The following INPP5D variants were observed in gnomAD, a reference collection of about 807,000 sequenced individuals.
The protein encoded by INPP5D is inositol polyphosphate-5-phosphatase D.
Under a neutral mutation model 122.9 loss-of-function variants are expected in INPP5D, and 33 were observed. That is an observed-to-expected ratio of 0.27 (90% CI 0.20 to 0.36). The LOEUF is 0.36. Among genes scored for constraint, INPP5D ranks in the 10% least tolerant of loss-of-function variants. The pLI, the probability that INPP5D is intolerant of heterozygous loss-of-function variation, is 1.00. For missense variants in INPP5D, 1,053 were observed against 1,412.7 expected (o/e 0.75, Z 4.08); for synonymous variants, 584 against 576.2 (o/e 1.01, Z -0.19).
rs1695510283 is a variant in INPP5D, at chr2:233,206,552, A to G, written c.3568-154A>G. Reference sequence around the variant, plus strand: ...TAAAAAACAATTTTTTTAAATAAGCAGGTAAAGTACTTAGAGCAGTGAGTG... The same window carrying G: ...TAAAAAACAATTTTTTTAAATAAGCGGGTAAAGTACTTAGAGCAGTGAGTG... On this transcript the variant is annotated intron_variant, in intron 26 of 26. Coordinates refer to ENST00000445964, the MANE Select transcript of INPP5D (RefSeq NM_001017915.3). The surrounding 1 kb of genome is among the most constrained non-coding windows in gnomAD (Gnocchi z 4.0). Among the ~76,000 whole-genome samples the G allele has an allele frequency of 6.6e-6, 1 of 152,200 alleles. No individual in the cohort carries two copies.
At chr2:233,099,811 C>T (rs1331005922) in intron 2 of INPP5D, among the ~76,000 whole-genome samples, 1 of 152,070 alleles carries the variant, frequency 6.6e-6, no homozygotes, top group Non-Finnish European at 1.5e-5. Context: ...TCTGTTTTCA[C>T]GCAGCTGATA....
chr2:233,097,391 A>G lies in INPP5D; in HGVS notation c.198+17993A>G, dbSNP rs138921622. On this transcript the variant is annotated intron_variant, in intron 2 of 26. Coordinates refer to ENST00000445964, the MANE Select transcript of INPP5D (RefSeq NM_001017915.3). The stretch of plus-strand genomic sequence containing the variant: ...AAAAATCCCAGTTAGAATTTTGTGC[A>G]ATTACATGTAATTAATAGGTTAATT... Among the ~76,000 whole-genome samples the G allele has an allele frequency of 1.2e-3, 185 of 152,348 alleles. 1 individual carries two copies. The highest frequency in any genetic ancestry group is 4.3e-3 in the African/African-American group (179 of 41,590).
intron 5 of INPP5D, among the ~76,000 whole-genome samples, chr2:233,137,898 A>G (rs1693529603): frequency 1.2e-5 from 1 of 85,638 alleles, no homozygotes; most frequent in Admixed American, 1.3e-4. Flanking sequence ...ATATATATAT[A>G]CACACACACA....
rs779603273 is a variant in INPP5D, at chr2:233,189,840, C to T, written c.2359-10C>T. 3 of 1,612,674 alleles carry T rather than the reference C, an allele frequency of 1.9e-6. No individual in the cohort carries two copies. The highest frequency in any genetic ancestry group is 2.5e-6 in the Non-Finnish European group (3 of 1,179,184). On this transcript the variant is annotated splice_polypyrimidine_tract_variant and intron_variant, in intron 21 of 26. Coordinates refer to ENST00000445964, the MANE Select transcript of INPP5D (RefSeq NM_001017915.3). The surrounding 1 kb of genome is among the most constrained non-coding windows in gnomAD (Gnocchi z 5.6). The stretch of plus-strand genomic sequence containing the variant: ...CCATCAACTCCAGTCCTGTGCCCTT[C>T]TCTCTGCAGCTGAAGCCCATTATCT...
In INPP5D at chr2:233,185,930, T is replaced by C. The variant is rs747988114; in HGVS notation, c.2358+5T>C. 1 of 1,593,210 alleles carries C rather than the reference T, an allele frequency of 6.3e-7. No individual in the cohort carries two copies. Among genetic ancestry groups the C allele is most frequent in the Admixed American group, 1.7e-5 (1 of 57,572 alleles). ...TTTGGTGAGACTCTTCCAAAGGTAATTCTAGAGCAAGGCATTCCCCAGAGG... is the reference window on the plus strand; with the variant it reads ...TTTGGTGAGACTCTTCCAAAGGTAACTCTAGAGCAAGGCATTCCCCAGAGG... On this transcript the variant is annotated splice_donor_5th_base_variant and intron_variant, in intron 21 of 26. Coordinates refer to ENST00000445964, the MANE Select transcript of INPP5D (RefSeq NM_001017915.3).
Position 233,100,216 on chromosome 2 carries a change from C to T in INPP5D, c.198+20818C>T, listed in dbSNP as rs961610576. On this transcript the variant is annotated intron_variant, in intron 2 of 26. Transcript: ENST00000445964. The surrounding 1 kb of genome is among the most constrained non-coding windows in gnomAD (Gnocchi z 5.3). ...CCACCTCGCCCTGTCGCCTCACTCG[C>T]AGCCTGTTCCACTCATTTACATCAC... Among the ~76,000 whole-genome samples the T allele has an allele frequency of 1.3e-4, 20 of 152,194 alleles. No homozygotes were observed. Among genetic ancestry groups the T allele is most frequent in the African/African-American group, 4.8e-4 (20 of 41,440 alleles).
intron 1 of INPP5D, among the ~76,000 whole-genome samples, chr2:233,067,056 G>A (rs941828918): frequency 2.0e-5 from 3 of 152,234 alleles, no homozygotes; most frequent in African/African-American, 7.2e-5. Context: ...GGGATTACAG[G>A]CGTGAGCCAC....
intron 2 of INPP5D, among the ~76,000 whole-genome samples, chr2:233,098,129 G>A (rs547715035): frequency 6.6e-5 from 10 of 152,164 alleles, no homozygotes; most frequent in Non-Finnish European, 1.5e-4. Context: ...GTGACCTTAA[G>A]TGATCCACCT....
chr2:233,196,251 C>T (rs1695181901), intron 24 of INPP5D, among the ~76,000 whole-genome samples: 1 of 152,200 alleles, frequency 6.6e-6, no homozygotes, highest in Non-Finnish European at 1.5e-5. Flanking sequence ...GCTCTCCTGC[C>T]TCCTCTGCGA....
chr2:233,102,561 A>C (rs920571796), intron 2 of INPP5D, among the ~76,000 whole-genome samples: 2 of 152,242 alleles, frequency 1.3e-5, no homozygotes, highest in African/African-American at 4.8e-5. Context: ...CTATGTGATC[A>C]AAACCACAGC....
At position 233,147,466 on chromosome 2, in the gene INPP5D, C is replaced by T. The variant is rs2106280380; in HGVS notation, c.907-5C>T. 1.4e-6 allele frequency: 1 copy of T among 704,288 alleles called. No individual in the cohort carries two copies. Among genetic ancestry groups the T allele is most frequent in the Non-Finnish European group, 2.6e-6 (1 of 385,006 alleles). The allele number at this position is 704,288 out of a possible 1,614,324, so 43.6% of individuals were successfully genotyped here. Reference sequence around the variant, plus strand: ...CAATCAGTGACACATCTCTTCTCTTCTAAGGTGAAGGCAGAGTCTCTGGGG... The same window carrying T: ...CAATCAGTGACACATCTCTTCTCTTTTAAGGTGAAGGCAGAGTCTCTGGGG... On this transcript the variant is annotated splice_region_variant and splice_polypyrimidine_tract_variant and intron_variant, in intron 8 of 26. Transcript: ENST00000445964.
intron 2 of INPP5D, among the ~76,000 whole-genome samples, chr2:233,110,390 A>G (rs968743511): frequency 1.3e-5 from 2 of 149,910 alleles, no homozygotes; most frequent in African/African-American, 4.9e-5. Context: ...AATAGAGACG[A>G]GTTCTCATTA....
At chr2:233,145,040 C>T (rs1693722775) in intron 6 of INPP5D, among the ~76,000 whole-genome samples, 2 of 152,076 alleles carry the variant, frequency 1.3e-5, no homozygotes, top group African/African-American at 2.4e-5. Flanking sequence ...GCTTTGTATT[C>T]ACATTAGCCA....
chr2:233,108,263 C>T (rs899548184), intron 2 of INPP5D, among the ~76,000 whole-genome samples: 8 of 152,276 alleles, frequency 5.3e-5, no homozygotes, highest in Non-Finnish European at 1.0e-4. Context: ...CTAGAGAGTC[C>T]GGGGATCCCC....
Position 233,170,404 on chromosome 2 carries a change from G to A in INPP5D, c.1792-92G>A, listed in dbSNP as rs958777240. The A allele has an allele frequency of 2.4e-5, 38 of 1,565,530 alleles. No homozygotes were observed. The highest frequency in any genetic ancestry group is 2.1e-4 in the Middle Eastern group (1 of 4,714). ...CCTGCCACCATCACTCTGCAGCCCGGGTCATCCAGCTGCCCGCCCCCAGCC... is the reference window on the plus strand; with the variant it reads ...CCTGCCACCATCACTCTGCAGCCCGAGTCATCCAGCTGCCCGCCCCCAGCC... On this transcript the variant is annotated intron_variant, in intron 15 of 26. Coordinates refer to ENST00000445964, the MANE Select transcript of INPP5D (RefSeq NM_001017915.3). The surrounding 1 kb of genome is among the most constrained non-coding windows in gnomAD (Gnocchi z 4.5).
rs570934983 is a variant in INPP5D at position 233,128,622 on chromosome 2, C to T, written c.525-1886C>T. Among the ~76,000 whole-genome samples, 1 of 152,202 alleles carries T rather than the reference C, an allele frequency of 6.6e-6. No individual in the cohort carries two copies. Among genetic ancestry groups the T allele is most frequent in the South Asian group, 2.1e-4 (1 of 4,822 alleles). On this transcript the variant is annotated intron_variant, in intron 4 of 26. Transcript: ENST00000445964. The surrounding 1 kb of genome is among the most constrained non-coding windows in gnomAD (Gnocchi z 4.5). ...CCTCCTGAGTAGCTGGGACTACAAA[C>T]GCACGCCACCACGCCCAGCTAATTT...
chr2:233,145,794 C>G (rs1321894519), intron 6 of INPP5D, among the ~76,000 whole-genome samples: 2 of 152,024 alleles, frequency 1.3e-5, no homozygotes, highest in Non-Finnish European at 2.9e-5. Flanking sequence ...GGGTTTCAAG[C>G]AGCAGGGCTG....
intron 5 of INPP5D, among the ~76,000 whole-genome samples, chr2:233,137,887 TATATATATATAC>T (rs1409632910): frequency 9.8e-5 from 5 of 50,946 alleles, no homozygotes; most frequent in African/African-American, 2.0e-4. Flanking sequence ...TATATATATA[TATATATATATAC>T]ACACACACAC....
rs183318039 is a variant in INPP5D at position 233,070,825 on chromosome 2, T to C, written c.135-8510T>C. On this transcript the variant is annotated intron_variant, in intron 1 of 26. Coordinates refer to ENST00000445964, the MANE Select transcript of INPP5D (RefSeq NM_001017915.3). ...TAAGAATACCTATGTGGTAATGTTGTGGGGCAGATTGGATGGAAAATATGT... is the reference window on the plus strand; with the variant it reads ...TAAGAATACCTATGTGGTAATGTTGCGGGGCAGATTGGATGGAAAATATGT... Among the ~76,000 whole-genome samples, 160 of 152,338 alleles carry C rather than the reference T, an allele frequency of 1.1e-3. 2 individuals carry two copies. The highest frequency in any genetic ancestry group is 9.2e-3 in the Admixed American group (141 of 15,308).
Sources: gnomAD v4.1 joint callset for allele counts (sites outside exome capture counted in the v4.1 genomes callset) on GRCh38, gnomAD v4.1.1 for gene constraint, Gnocchi (gnomAD v3.1) non-coding constraint, MANE v1.5 for transcripts, NCBI Gene and HGNC (gene_info 2026-07-23, HGNC 2026-07-21) for gene names.